SNX2: variants seen among roughly 807,000 people sequenced by gnomAD.
SNX2 encodes the protein sorting nexin-2.
A neutral mutation model predicts 69.9 loss-of-function variants in SNX2; 25 were observed. That is an observed-to-expected ratio of 0.36 (90% CI 0.26 to 0.50). The LOEUF is 0.50. SNX2 is among the 20% of genes least tolerant of loss of function. The probability of loss-of-function intolerance (pLI) is 0.97; values close to 1 mark genes in which losing one functional copy is unlikely to be tolerated. For synonymous variants in SNX2, 229 were observed against 200.4 expected (o/e 1.14, Z -1.20); for missense variants, 551 against 613.3 (o/e 0.90, Z 1.07).
At chr5:122,828,221 T>G (rs1387669020) in intron 14 of SNX2, among the ~76,000 whole-genome samples, 3 of 152,196 alleles carry the variant, frequency 2.0e-5, no homozygotes. Flanking sequence ...TTTAATATCT[T>G]GAAGGATTTC....
At chr5:122,816,882 G>A in intron 8 of SNX2, 33 bp from the exon 9 acceptor site, 2 of 1,385,330 alleles carry the variant, frequency 1.4e-6, no homozygotes, top group Non-Finnish European at 2.0e-6. Context: ...CTTTTAACCG[G>A]TTTGTTTGCC....
chr5:122,811,850 T>TAAATAAAA (rs539958903), intron 7 of SNX2, among the ~76,000 whole-genome samples: 24,158 of 150,962 alleles, frequency 0.16, 2,291 homozygotes, highest in East Asian at 0.38. Flanking sequence ...AATAAATAAA[T>TAAATAAAA]AAATAAATAA....
chr5:122,806,142 G>GCACGCACGCGCGCACACACACACACACA (rs1554063175), intron 6 of SNX2, among the ~76,000 whole-genome samples: 1 of 130,584 alleles, frequency 7.7e-6, no homozygotes, highest in African/African-American at 2.9e-5. Flanking sequence ...ACACGCGCGC[G>GCACGCACGCGCGCACACACACACACACA]CACACACACA....
In SNX2 at chr5:122,831,094, C is replaced by G. The variant is rs1754280147; in HGVS notation, c.*1446C>G. On this transcript the variant is annotated 3_prime_UTR_variant, in exon 15 of 15. Transcript: ENST00000379516. Reference sequence around the variant, plus strand: ...AAATATTCTTACAAACACCCCTCTTCTTGAGCTTAACCACCACATATCCCT... The same window carrying G: ...AAATATTCTTACAAACACCCCTCTTGTTGAGCTTAACCACCACATATCCCT... Among the ~76,000 whole-genome samples, 1 of 149,698 alleles carries G rather than the reference C, an allele frequency of 6.7e-6. No homozygotes were observed. The highest frequency in any genetic ancestry group is 1.5e-5 in the Non-Finnish European group (1 of 67,484).
At chr5:122,797,239 C>G (rs1753400868) in intron 2 of SNX2, among the ~76,000 whole-genome samples, 1 of 152,164 alleles carries the variant, frequency 6.6e-6, no homozygotes, top group Non-Finnish European at 1.5e-5. Context: ...GAAAAATCTT[C>G]ATAGTGTTTT....
chr5:122,791,178 C>T (rs1432084487), intron 1 of SNX2, among the ~76,000 whole-genome samples: 5 of 142,516 alleles, frequency 3.5e-5, no homozygotes, highest in Admixed American at 7.4e-5. Flanking sequence ...GGCTAGAGTG[C>T]GATGGCATGA....
chr5:122,802,204 A>C (rs765150004), intron 5 of SNX2, 80 bp downstream of exon 5: 10 of 1,185,846 alleles, frequency 8.4e-6, no homozygotes, highest in Non-Finnish European at 1.3e-5. Flanking sequence ...TTAAGGTAGA[A>C]GTGATCCCTG....
intron 10 of SNX2, 44 bp downstream of exon 10, chr5:122,817,417 A>G (rs765645555): frequency 1.7e-6 from 2 of 1,166,058 alleles, no homozygotes; most frequent in African/African-American, 3.1e-5. Context: ...CATAAAACTA[A>G]TGAAAATATT....
At chr5:122,811,358 T>G (rs1418888295) in intron 7 of SNX2, among the ~76,000 whole-genome samples, 1 of 152,156 alleles carries the variant, frequency 6.6e-6, no homozygotes, top group Admixed American at 6.5e-5. Flanking sequence ...TTCAGATCTT[T>G]AGATCATATT....
Position 122,801,913 on chromosome 5 carries a change from T to G in SNX2, c.435T>G (p.Gly145=). 3 of 1,603,252 alleles carry G rather than the reference T, an allele frequency of 1.9e-6. No individual in the cohort carries two copies. Among genetic ancestry groups the G allele is most frequent in the Middle Eastern group, 1.7e-4 (1 of 6,028 alleles). Reference sequence around the variant, plus strand: ...GAGACATTTTTGACATAGAAATTGGTGTATCAGATCCAGAAAAAGTTGGTG... The same window carrying G: ...GAGACATTTTTGACATAGAAATTGGGGTATCAGATCCAGAAAAAGTTGGTG... ...ANGDIFDIEI[G]VSDPEKVGDG... is the part of the protein sequence containing the mutation. Residue 145 remains glycine (G), a synonymous_variant, in exon 4 of 15, where the codon GGT becomes GGG. Transcript: ENST00000379516.
At chr5:122,805,704 A>G (rs1383964325) in intron 6 of SNX2, among the ~76,000 whole-genome samples, 2 of 152,154 alleles carry the variant, frequency 1.3e-5, no homozygotes, top group Non-Finnish European at 2.9e-5. Context: ...GGATGGTTCA[A>G]TCCAAAGTGT....
intron 1 of SNX2, among the ~76,000 whole-genome samples, chr5:122,785,942 C>A (rs1753076784): frequency 6.6e-6 from 1 of 152,114 alleles, no homozygotes; most frequent in Admixed American, 6.6e-5. Context: ...CTTGTTTTAT[C>A]AATTACTGAG....
At chr5:122,776,481 A>AAAAGGGAT (rs1752859721) in intron 1 of SNX2, among the ~76,000 whole-genome samples, 1 of 152,156 alleles carries the variant, frequency 6.6e-6, no homozygotes, top group Non-Finnish European at 1.5e-5. Context: ...CCCTTTTAAT[A>AAAAGGGAT]GCCAAAAGCC....
chr5:122,798,505 C>A (rs1753436702), intron 2 of SNX2, among the ~76,000 whole-genome samples: 1 of 152,110 alleles, frequency 6.6e-6, no homozygotes, highest in Non-Finnish European at 1.5e-5. Flanking sequence ...TACTGCTATA[C>A]CTTGAGGTAT....
At position 122,803,522 on chromosome 5, in the gene SNX2, C is replaced by T. The variant is rs111277526; in HGVS notation, c.552C>T (p.Phe184=). 29 of 1,612,528 alleles carry T rather than the reference C, an allele frequency of 1.8e-5. 1 individual carries two copies. The African/African-American group carries it at 1.9e-4, about 10-fold the overall frequency. Residue 184 remains phenylalanine, a synonymous_variant, in exon 6 of 15, where the codon TTC becomes TTT. Coordinates refer to ENST00000379516, the MANE Select transcript of SNX2 (RefSeq NM_003100.4). Reference sequence around the variant, plus strand: ...GTGAATTTTCAGTGAAAAGAAGATTCAGCGACTTTCTTGGTTTGCACAGCA... The same window carrying T: ...GTGAATTTTCAGTGAAAAGAAGATTTAGCGACTTTCTTGGTTTGCACAGCA... The part of the protein sequence containing the change: ...SKSEFSVKRR[F]SDFLGLHSKL...
chr5:122,825,492 T>C (rs1754131515), intron 11 of SNX2, among the ~76,000 whole-genome samples: 1 of 152,094 alleles, frequency 6.6e-6, no homozygotes, highest in South Asian at 2.1e-4. Flanking sequence ...TATATAGTCC[T>C]CTTCATCTTT....
In SNX2 at chr5:122,831,609, G is replaced by A. The variant is rs752013440; in HGVS notation, c.*1961G>A. 1.3e-5 allele frequency among the ~76,000 whole-genome samples: 2 copies of A among 152,128 alleles called. No homozygotes were observed. Among genetic ancestry groups the A allele is most frequent in the Non-Finnish European group, 2.9e-5 (2 of 68,006 alleles). ...GCTTCTGGGAATACTTTTCAGAAAC[G>A]AATAATTCATAGTAATATATATCAG... On this transcript the variant is annotated 3_prime_UTR_variant, in exon 15 of 15. Transcript: ENST00000379516.
chr5:122,817,520 A>G, intron 10 of SNX2, 147 bp downstream of exon 10: 1 of 563,582 alleles, frequency 1.8e-6, no homozygotes, highest in Non-Finnish European at 2.8e-6. Flanking sequence ...CAACTTTATT[A>G]TGTAAATTTT....
intron 3 of SNX2, 68 bp downstream of exon 3, chr5:122,799,923 G>A (rs772490048): frequency 9.7e-5 from 118 of 1,215,332 alleles, no homozygotes; most frequent in Non-Finnish European, 1.2e-4. Context: ...ACATCACTCT[G>A]CTGTTAGTCA....
Sources: allele counts gnomAD v4.1 joint callset (sites outside exome capture counted in the v4.1 genomes callset), GRCh38; gene constraint gnomAD v4.1.1; transcripts MANE v1.5; gene names NCBI Gene and HGNC (gene_info 2026-07-23, HGNC 2026-07-21).